Variants in TASOR2 observed in about 807,000 individuals in gnomAD.
The protein encoded by TASOR2 is protein TASOR 2.
In TASOR2, 84 loss-of-function variants were observed where a neutral mutation model predicts 199.5. That is an observed-to-expected ratio of 0.42 (90% CI 0.35 to 0.50). The LOEUF (loss-of-function observed/expected upper bound fraction) is 0.50, where lower values mean the gene tolerates loss of function less well. Among genes scored for constraint, TASOR2 ranks in the 20% least tolerant of loss-of-function variants. The pLI, the probability that TASOR2 is intolerant of heterozygous loss-of-function variation, is 0.02. For synonymous variants in TASOR2, 1,103 were observed against 1,046.6 expected, an observed-to-expected ratio of 1.05 and a Z score of -1.04; for missense variants, 2,796 against 2,835.9, an observed-to-expected ratio of 0.99 and a Z score of 0.32.
exon 15 of TASOR2, chr10:5,749,501 C>G: frequency 6.2e-7 from 1 of 1,614,072 alleles, no homozygotes; most frequent in South Asian, 1.1e-5. Flanking sequence ...TCTGAGGCCC[C>G]ATTTCTGCAT....
intron 1 of TASOR2, among the ~76,000 whole-genome samples, chr10:5,711,315 T>G (rs1043423751): frequency 1.3e-4 from 20 of 152,162 alleles, no homozygotes; most frequent in Admixed American, 9.2e-4. Flanking sequence ...ACAAGTTAGT[T>G]TTAATTGAGA....
Position 5,742,223 on chromosome 10 carries a change from C to A in TASOR2, c.2454C>A (p.Ser818Arg). The A allele has an allele frequency of 6.2e-7, 1 of 1,614,128 alleles. No homozygotes were observed. Among genetic ancestry groups the A allele is most frequent in the Non-Finnish European group, 8.5e-7 (1 of 1,180,012 alleles). Residue 818 changes from serine (S) to arginine (R), a missense_variant, in exon 14 of 21, where the codon AGC becomes AGA. By Grantham distance (110) the Ser-to-Arg change is moderately radical. Around this residue, in one of 3 missense-constraint regions of TASOR2, gnomAD observed 1,941 missense variants for 1,924.9 expected, o/e 1.01. Transcript: ENST00000328090. The surrounding 1 kb of genome is among the most constrained non-coding windows in gnomAD (Gnocchi z 4.2). ...CTTCCCGAAAGGTTGTAGAACACAGCAACCCAGCAAAATATGTGTCTATAA... is the reference window on the plus strand; with the variant it reads ...CTTCCCGAAAGGTTGTAGAACACAGAAACCCAGCAAAATATGTGTCTATAA...
exon 15 of TASOR2, chr10:5,747,182 C>T (rs375639699): frequency 2.1e-5 from 34 of 1,613,868 alleles, no homozygotes; most frequent in African/African-American, 1.2e-4. Context: ...AATTTGGAAG[C>T]GTTTGATTCA....
intron 1 of TASOR2, chr10:5,712,621 G>C (rs1249397345): frequency 8.8e-7 from 1 of 1,133,466 alleles, no homozygotes; most frequent in Non-Finnish European, 1.1e-6. Context: ...TATAAGCCTA[G>C]CACTTTTTAG....
chr10:5,727,230 T>C lies in TASOR2; in HGVS notation c.487+107T>C, dbSNP rs112064557. The C allele has an allele frequency of 1.7e-3, 1,957 of 1,129,444 alleles. 27 individuals carry two copies. In the African/African-American group the frequency reaches 0.026, roughly 15 times the overall value. 70.0% of individuals were successfully genotyped at this position (1,129,444 alleles called of 1,614,324 possible). The stretch of plus-strand genomic sequence containing the variant: ...GACACTGTTGACTGTTTTTTCCTCT[T>C]AAATACCTCTTTTCTTAACATCACT... On this transcript the variant is annotated intron_variant, in intron 10 of 20. Coordinates refer to ENST00000328090, the Ensembl canonical transcript of TASOR2.
At chr10:5,760,141 C>G (rs1053510947) in intron 18 of TASOR2, among the ~76,000 whole-genome samples, 33 of 152,174 alleles carry the variant, frequency 2.2e-4, no homozygotes, top group African/African-American at 8.0e-4. Context: ...GAGCCTACTC[C>G]TAGATTGCAA....
At chr10:5,744,665 C>T (rs1836921172) in intron 14 of TASOR2, among the ~76,000 whole-genome samples, 2 of 152,062 alleles carry the variant, frequency 1.3e-5, no homozygotes, top group Admixed American at 6.6e-5. Context: ...TGAGCCACTG[C>T]TCCAGCCAGA....
At chr10:5,744,600 A>T (rs1308700637) in intron 14 of TASOR2, among the ~76,000 whole-genome samples, 4 of 151,924 alleles carry the variant, frequency 2.6e-5, no homozygotes, top group African/African-American at 9.7e-5. Flanking sequence ...CACTGCCCCC[A>T]GCCAGAAATG....
chr10:5,762,368 C>A (rs1418944690), intron 19 of TASOR2, among the ~76,000 whole-genome samples, 164 bp from the exon 21 acceptor site: 1 of 151,612 alleles, frequency 6.6e-6, no homozygotes, highest in East Asian at 1.9e-4. Flanking sequence ...GCATCTATTT[C>A]CAAAGCTTCA....
At chr10:5,734,350 A>G (rs1835261112) in intron 11 of TASOR2, among the ~76,000 whole-genome samples, 2 of 152,200 alleles carry the variant, frequency 1.3e-5, no homozygotes, top group Admixed American at 6.5e-5. Flanking sequence ...TTAGAAATAA[A>G]ACCAGGTGCA....
At chr10:5,762,895 C>A in intron 20 of TASOR2, 134 bp from the exon 22 acceptor site, 1 of 777,094 alleles carries the variant, frequency 1.3e-6, no homozygotes, top group South Asian at 1.9e-5. Flanking sequence ...TTGCTGTTAA[C>A]TTGGATCGTC....
Position 5,709,582 on chromosome 10 carries a change from C to A in TASOR2, c.-287-3241C>A, listed in dbSNP as rs1014453610. ...CTATGTCAAGAATTCTGAGGGTATA[C>A]TTGGTGAAAATGAATTAAGACCACC... On this transcript the variant is annotated intron_variant, in intron 1 of 20. Coordinates refer to ENST00000328090, the Ensembl canonical transcript of TASOR2. 5.7e-6 allele frequency: 7 copies of A among 1,230,692 alleles called. No homozygotes were observed. In the African/African-American group the frequency reaches 9.3e-5, roughly 16 times the overall value. The allele number at this position is 1,230,692 out of a possible 1,614,324, so 76.2% of individuals were successfully genotyped here. A position where few individuals can be genotyped will look rare whatever the true frequency, so the allele number is the denominator to read the frequency against.
rs545448570 is a variant in TASOR2 at position 5,730,728 on chromosome 10, T to C, written c.729T>C (p.Phe243=). 1.2e-6 allele frequency: 2 copies of C among 1,614,212 alleles called. No individual in the cohort carries two copies. The highest frequency in any genetic ancestry group is 1.7e-6 in the Non-Finnish European group (2 of 1,180,030). The change falls in exon 11 of 21, where the codon TTT becomes TTC. Residue 243 remains phenylalanine, a synonymous_variant. Coordinates refer to ENST00000328090, the Ensembl canonical transcript of TASOR2. This position sits in a 1 kb window ranked among gnomAD's most constrained non-coding sequence, Gnocchi z 4.1. ...TCTTGGGGAAACTGCCCAGTGGTTTTGACTTGATTCCTCCAGCTGAAAAGT... is the reference window on the plus strand; with the variant it reads ...TCTTGGGGAAACTGCCCAGTGGTTTCGACTTGATTCCTCCAGCTGAAAAGT...
exon 13 of TASOR2, chr10:5,739,700 A>G (rs1268434915): frequency 7.4e-6 from 12 of 1,614,038 alleles, no homozygotes; most frequent in Non-Finnish European, 1.0e-5. Context: ...ATAGTGTTCA[A>G]CCAGAAAATA....
At chr10:5,762,374 C>T (rs2131670037) in intron 19 of TASOR2, among the ~76,000 whole-genome samples, 158 bp from the exon 21 acceptor site, 1 of 151,686 alleles carries the variant, frequency 6.6e-6, no homozygotes, top group Non-Finnish European at 1.5e-5. Flanking sequence ...ATTTCCAAAG[C>T]TTCAAATCTT....
chr10:5,697,927 A>G (rs918559417), intron 1 of TASOR2, among the ~76,000 whole-genome samples: 2 of 152,180 alleles, frequency 1.3e-5, no homozygotes, highest in Admixed American at 1.3e-4. Context: ...ATTATTGAAG[A>G]TATAATTCAC....
intron 2 of TASOR2, chr10:5,714,649 CA>C (rs34673454): frequency 0.99 from 151,791 of 152,590 alleles, 75,504 homozygotes; most frequent in East Asian, 1. Flanking sequence ...TTGTCAAGAA[CA>C]ATGAATTAGC....
chr10:5,761,530 CA>C, intron 19 of TASOR2, 59 bp downstream of exon 20: 1 of 1,466,152 alleles, frequency 6.8e-7, no homozygotes, highest in Non-Finnish European at 9.3e-7. Flanking sequence ...CTAGGAATGT[CA>C]AAGTTAGATA....
rs1402450486 is a variant in TASOR2, at chr10:5,685,367, C to G, written c.-288+192C>G. ...AGATGACTCAACCTTCTGTCCTGCG[C>G]TACAACCTGTGGCCGCGCTCGGTGT... On this transcript the variant is annotated intron_variant, in intron 1 of 20. Transcript: ENST00000328090. This position sits in a 1 kb window ranked among gnomAD's most constrained non-coding sequence, Gnocchi z 5.4. 6.6e-6 allele frequency among the ~76,000 whole-genome samples: 1 copy of G among 152,022 alleles called. No homozygotes were observed. The highest frequency in any genetic ancestry group is 2.4e-5 in the African/African-American group (1 of 41,368).
Sources: gnomAD v4.1 joint callset for allele counts (sites outside exome capture counted in the v4.1 genomes callset) on GRCh38, gnomAD v4.1.1 for gene constraint, gnomAD v4.1.1 regional missense constraint, Gnocchi (gnomAD v3.1) non-coding constraint, MANE v1.5 for transcripts, NCBI Gene and HGNC (gene_info 2026-07-23, HGNC 2026-07-21) for gene names.